The following RABGEF1 variants were observed in gnomAD, a reference collection of about 807,000 sequenced individuals.
The protein encoded by RABGEF1 is rab5 GDP/GTP exchange factor.
RABGEF1 carries 26 observed loss-of-function variants against 57.3 expected under a neutral mutation model. The ratio of observed to expected loss-of-function variants is 0.45; its 90% CI spans 0.33 to 0.63. The LOEUF (loss-of-function observed/expected upper bound fraction) is 0.63, where lower values mean the gene tolerates loss of function less well. RABGEF1 is among the 20% of genes least tolerant of loss of function. The pLI, the probability that RABGEF1 is intolerant of heterozygous loss-of-function variation, is 0.02. For missense variants in RABGEF1, 464 were observed against 607.6 expected (o/e 0.76, Z 2.48); for synonymous variants, 185 against 210.7 (o/e 0.88, Z 1.06).
rs192581529 is a variant in RABGEF1, at chr7:66,689,047, T to A, written c.-873+6789T>A. ...GAGGGAGGTTGCAGTGAGCCGAGAT[T>A]GCACCACTGCATTCCAGCCTGGGTG... On this transcript the variant is annotated intron_variant and NMD_transcript_variant, in intron 1 of 9. Coordinates refer to the RABGEF1 transcript ENST00000607882. 2.7e-3 allele frequency among the ~76,000 whole-genome samples: 412 copies of A among 152,108 alleles called. 1 individual carries two copies. Among genetic ancestry groups the A allele is most frequent in the Non-Finnish European group, 4.0e-3 (272 of 67,988 alleles).
intron 2 of RABGEF1, among the ~76,000 whole-genome samples, chr7:66,712,405 C>T (rs569492745): frequency 1.1e-4 from 17 of 152,314 alleles, no homozygotes; most frequent in African/African-American, 2.9e-4. Flanking sequence ...CACATAAATA[C>T]ACAATTCTAT....
rs563920312 is a variant in RABGEF1, at chr7:66,726,769, T to C, written c.-814-13227T>C. Among the ~76,000 whole-genome samples, 6 of 152,212 alleles carry C rather than the reference T, an allele frequency of 3.9e-5. No individual in the cohort carries two copies. In the East Asian group the frequency reaches 7.8e-4, roughly 20 times the overall value. On this transcript the variant is annotated intron_variant and NMD_transcript_variant, in intron 2 of 9. Coordinates refer to the RABGEF1 transcript ENST00000607882. Reference sequence around the variant, plus strand: ...CTGTAATCCCAACCCTTTGGGAGGCTGAGGTGGGCTGATCACTTAAGGTCA... The same window carrying C: ...CTGTAATCCCAACCCTTTGGGAGGCCGAGGTGGGCTGATCACTTAAGGTCA...
At chr7:66,728,315 G>C (rs775559439) in intron 2 of RABGEF1, among the ~76,000 whole-genome samples, 13 of 152,150 alleles carry the variant, frequency 8.5e-5, no homozygotes, top group Non-Finnish European at 1.8e-4. Flanking sequence ...GTCTTGTGGA[G>C]AGCCAGATGC....
At chr7:66,738,019 T>G (rs568685455), upstream of RABGEF1, among the ~76,000 whole-genome samples, 529 of 135,108 alleles carry the variant, frequency 3.9e-3, 4 homozygotes, top group African/African-American at 0.012. Flanking sequence ...TTTTTGTTTT[T>G]TTTGTTTTTT....
At chr7:66,762,407 A>G (rs1231569761) in intron 1 of RABGEF1, among the ~76,000 whole-genome samples, 3 of 152,136 alleles carry the variant, frequency 2.0e-5, no homozygotes, top group South Asian at 4.1e-4. Context: ...CCTGGTCAAT[A>G]TGGCGAAACC....
At chr7:66,793,424 T>C (rs2129167282) in intron 4 of RABGEF1, among the ~76,000 whole-genome samples, 1 of 152,354 alleles carries the variant, frequency 6.6e-6, no homozygotes, top group Non-Finnish European at 1.5e-5. Context: ...GTGTGGAATT[T>C]CCCACTTGTG....
In RABGEF1 at chr7:66,805,209, A is replaced by T; in HGVS notation, c.890A>T (p.His297Leu). The T allele has an allele frequency of 6.2e-7, 1 of 1,614,044 alleles. No homozygotes were observed. Among genetic ancestry groups the T allele is most frequent in the Non-Finnish European group, 8.5e-7 (1 of 1,179,892 alleles). Residue 297 changes from histidine (H) to leucine (L), a missense_variant, in exon 8 of 9, where the codon CAC becomes CTC. Physicochemically the swap from His to Leu is moderately conservative, Grantham distance 99 (BLOSUM62 -3). Transcript: ENST00000284957. ...KLACITKCSK[H>L]IFNAIKITKN... ...GCCTGCATCACCAAGTGCAGCAAGC[A>T]CATCTTCAATGCCATCAAGATCACC...
chr7:66,737,227 TG>T (rs775074951), upstream of RABGEF1, among the ~76,000 whole-genome samples: 92 of 152,156 alleles, frequency 6.0e-4, 1 homozygote, highest in Middle Eastern at 0.017. Context: ...AATTTTTAGG[TG>T]TTTTTTTGTT....
chr7:66,772,911 C>CA (rs1043792326), intron 2 of RABGEF1, among the ~76,000 whole-genome samples: 1,997 of 141,556 alleles, frequency 0.014, 33 homozygotes, highest in Middle Eastern at 0.07. Context: ...GACTCTGTCT[C>CA]AAAAAAAAAT....
the RABGEF1 span, among the ~76,000 whole-genome samples, chr7:66,672,634 G>A: frequency 6.6e-6 from 1 of 152,152 alleles, no homozygotes; most frequent in Non-Finnish European, 1.5e-5. Context: ...TTCAGAGTAC[G>A]TGGCTGGAAC....
At chr7:66,755,070 G>A (rs554336272) in intron 1 of RABGEF1, among the ~76,000 whole-genome samples, 4 of 152,244 alleles carry the variant, frequency 2.6e-5, no homozygotes, top group East Asian at 3.9e-4. Flanking sequence ...CAAGGCAGGC[G>A]GATCACGAGG....
chr7:66,799,307 GTC>G lies in RABGEF1; in HGVS notation c.729-6_729-5del. The G allele has an allele frequency of 8.3e-6, 13 of 1,566,834 alleles. No individual in the cohort carries two copies. Among genetic ancestry groups the G allele is most frequent in the South Asian group, 3.3e-5 (3 of 89,572 alleles). On this transcript the variant is annotated splice_polypyrimidine_tract_variant and intron_variant, in intron 6 of 8. Coordinates refer to ENST00000284957, the MANE Select transcript of RABGEF1 (RefSeq NM_014504.3). Reference sequence around the variant, plus strand: ...TTTATCCTTGGAGCTCTTGTTTACTGTCTCTCTCTCTTTAGAGCCCTGCGCTG... The same window carrying G: ...TTTATCCTTGGAGCTCTTGTTTACTGTCTCTCTCTTTAGAGCCCTGCGCTG...
At chr7:66,691,184 A>G (rs998168432) in intron 1 of RABGEF1, among the ~76,000 whole-genome samples, 3 of 152,228 alleles carry the variant, frequency 2.0e-5, no homozygotes, top group Non-Finnish European at 4.4e-5. Flanking sequence ...GTAAACTAGT[A>G]GCAACCACAC....
chr7:66,787,896 G>A (rs1811586103), intron 4 of RABGEF1, among the ~76,000 whole-genome samples: 1 of 152,090 alleles, frequency 6.6e-6, no homozygotes, highest in Non-Finnish European at 1.5e-5. Context: ...ACTTTTTTCT[G>A]TAAATTATTT....
intron 5 of RABGEF1, 84 bp downstream of exon 5, chr7:66,795,676 T>TG: frequency 7.7e-7 from 1 of 1,292,278 alleles, no homozygotes; most frequent in South Asian, 1.2e-5. Context: ...CTTTCTCTGA[T>TG]GGTCTGGCTG....
At chr7:66,660,518 A>G in the RABGEF1 span, among the ~76,000 whole-genome samples, 1 of 152,018 alleles carries the variant, frequency 6.6e-6, no homozygotes. Flanking sequence ...AATCACAAAC[A>G]AAGAAAAAAT....
chr7:66,767,769 C>G (rs1039391893), intron 1 of RABGEF1, among the ~76,000 whole-genome samples: 8 of 152,228 alleles, frequency 5.3e-5, no homozygotes, highest in Non-Finnish European at 1.2e-4. Context: ...ACACCAACAT[C>G]TGTTGACTTC....
At chr7:66,701,517 T>TTA (rs1584769470) in intron 1 of RABGEF1, among the ~76,000 whole-genome samples, 1 of 149,276 alleles carries the variant, frequency 6.7e-6, no homozygotes, top group East Asian at 2.0e-4. Context: ...TTTTTTTTTT[T>TTA]AATTTTTTGA....
chr7:66,797,570 A>G (rs1562874471), intron 6 of RABGEF1, 64 bp downstream of exon 6: 13 of 1,524,646 alleles, frequency 8.5e-6, no homozygotes, highest in East Asian at 2.3e-5. Flanking sequence ...CACTGGGGGG[A>G]AAATAATGCA....
Sources: gnomAD v4.1 joint callset for allele counts (sites outside exome capture counted in the v4.1 genomes callset) on GRCh38, gnomAD v4.1.1 for gene constraint, MANE v1.5 for transcripts, NCBI Gene and HGNC (gene_info 2026-07-23, HGNC 2026-07-21) for gene names.